PIBF1: variants seen among roughly 807,000 people sequenced by gnomAD.
The protein encoded by PIBF1 is progesterone immunomodulatory binding factor 1, also known as progesterone-induced-blocking factor 1.
A neutral mutation model predicts 112.5 loss-of-function variants in PIBF1; 90 were observed. That is an observed-to-expected ratio of 0.80 (90% CI 0.67 to 0.95). The LOEUF is 0.95. PIBF1 is among the 40% of genes least tolerant of loss of function. The probability of loss-of-function intolerance (pLI) is 0.00; values close to 1 mark genes in which losing one functional copy is unlikely to be tolerated. For missense variants in PIBF1, 915 were observed against 852.3 expected, an observed-to-expected ratio of 1.07 and a Z score of -0.92; for synonymous variants, 301 against 288.6, an observed-to-expected ratio of 1.04 and a Z score of -0.44.
At chr13:72,957,210 C>T (rs1360127902) in intron 14 of PIBF1, among the ~76,000 whole-genome samples, 1 of 152,182 alleles carries the variant, frequency 6.6e-6, no homozygotes, top group African/African-American at 2.4e-5. Context: ...GATACTTGCA[C>T]ACTCATATTC....
At chr13:73,011,453 A>T (rs1252779373) in intron 17 of PIBF1, among the ~76,000 whole-genome samples, 3 of 152,220 alleles carry the variant, frequency 2.0e-5, no homozygotes, top group Non-Finnish European at 2.9e-5. Context: ...AACATTTTGA[A>T]ATATGTTAGA....
chr13:73,007,692 C>G (rs973379132), intron 17 of PIBF1, among the ~76,000 whole-genome samples: 5 of 151,920 alleles, frequency 3.3e-5, no homozygotes, highest in African/African-American at 1.2e-4. Context: ...GCCTGTAATC[C>G]TAGCTACTCG....
intron 10 of PIBF1, among the ~76,000 whole-genome samples, chr13:72,863,487 TA>T (rs1300978593): frequency 7.3e-6 from 1 of 137,926 alleles, no homozygotes; most frequent in Admixed American, 8.0e-5. Context: ...CCATCTCTAC[TA>T]AAAATGAAAA....
At chr13:72,980,701 G>A (rs1219029745) in intron 16 of PIBF1, among the ~76,000 whole-genome samples, 1 of 151,658 alleles carries the variant, frequency 6.6e-6, no homozygotes, top group Non-Finnish European at 1.5e-5. Flanking sequence ...AGGCTGAGGT[G>A]GGAGGATCTG....
chr13:72,784,015 A>G (rs2034453012), intron 2 of PIBF1, among the ~76,000 whole-genome samples: 1 of 152,186 alleles, frequency 6.6e-6, no homozygotes, highest in Non-Finnish European at 1.5e-5. Context: ...CATGGTGGCT[A>G]TAGTTAATGA....
At chr13:72,980,426 C>T (rs956339606) in intron 16 of PIBF1, among the ~76,000 whole-genome samples, 2 of 152,146 alleles carry the variant, frequency 1.3e-5, no homozygotes, top group African/African-American at 4.8e-5. Flanking sequence ...ATAACAGAGC[C>T]AGTTGTACGC....
At chr13:72,792,175 A>C (rs1460071215) in intron 2 of PIBF1, among the ~76,000 whole-genome samples, 1 of 151,980 alleles carries the variant, frequency 6.6e-6, no homozygotes, top group African/African-American at 2.4e-5. Flanking sequence ...ACTTGGCTGT[A>C]ATCCCAGCTA....
intron 11 of PIBF1, chr13:72,901,161 A>T: frequency 2.8e-6 from 1 of 356,458 alleles, no homozygotes; most frequent in South Asian, 2.1e-5. Context: ...TTCACAATCT[A>T]TATATCTGAC....
chr13:73,009,934 A>G (rs570954071), intron 17 of PIBF1, among the ~76,000 whole-genome samples: 1 of 152,290 alleles, frequency 6.6e-6, no homozygotes, highest in Non-Finnish European at 1.5e-5. Context: ...CTTTTTGAGT[A>G]TTAAGATTCC....
chr13:73,013,812 C>G (rs2044300975), intron 17 of PIBF1, among the ~76,000 whole-genome samples: 1 of 150,888 alleles, frequency 6.6e-6, no homozygotes, highest in South Asian at 2.1e-4. Context: ...TATAGAGAAG[C>G]AAAGGTAAGG....
intron 15 of PIBF1, among the ~76,000 whole-genome samples, chr13:72,965,639 A>C (rs1047860096): frequency 6.6e-6 from 1 of 152,218 alleles, no homozygotes; most frequent in Non-Finnish European, 1.5e-5. Flanking sequence ...ACTTATGAGC[A>C]TAACATTCCA....
intron 12 of PIBF1, 98 bp downstream of exon 12, chr13:72,908,779 T>C: frequency 2.7e-6 from 3 of 1,104,822 alleles, no homozygotes; most frequent in East Asian, 2.6e-5. Context: ...TCAGGCACGG[T>C]GGCTCATGCC....
At chr13:72,935,705 G>A (rs1344996641) in intron 14 of PIBF1, among the ~76,000 whole-genome samples, 1 of 152,044 alleles carries the variant, frequency 6.6e-6, no homozygotes, top group Non-Finnish European at 1.5e-5. Context: ...GCCTTGATAT[G>A]GTTAGTTTTT....
At chr13:72,918,383 ATTT>A (rs60024983) in intron 13 of PIBF1, among the ~76,000 whole-genome samples, 136 of 102,942 alleles carry the variant, frequency 1.3e-3, no homozygotes, top group Middle Eastern at 5.3e-3. Context: ...GCAACTACCT[ATTT>A]TTTTTTTTTT....
At chr13:72,857,575 A>G (rs2038481080) in intron 10 of PIBF1, among the ~76,000 whole-genome samples, 1 of 152,240 alleles carries the variant, frequency 6.6e-6, no homozygotes, top group African/African-American at 2.4e-5. Flanking sequence ...ATGGTGGCTC[A>G]TGCCTGTAAT....
chr13:73,015,823 T>G, intron 17 of PIBF1, 46 bp from the exon 18 acceptor site: 1 of 1,226,956 alleles, frequency 8.2e-7, no homozygotes, highest in East Asian at 2.4e-5. Flanking sequence ...TCTCTTGTCC[T>G]CCTTGTAAGC....
rs1048891123 is a variant in PIBF1, at chr13:72,895,582, C to CT, written c.1488+1643dup. Among the ~76,000 whole-genome samples the CT allele has an allele frequency of 9.6e-3, 1,424 of 148,892 alleles. 29 individuals are homozygous for CT. The highest frequency in any genetic ancestry group is 0.031 in the African/African-American group (1,260 of 40,692). Reference sequence around the variant, plus strand: ...CAAAATATAAATTTATAAATTTAAACTTTTTTTTTTACCTTTAGATAGGTC... The same window carrying CT: ...CAAAATATAAATTTATAAATTTAAACTTTTTTTTTTTACCTTTAGATAGGTC... On this transcript the variant is annotated intron_variant, in intron 11 of 17. Coordinates refer to ENST00000326291, the MANE Select transcript of PIBF1 (RefSeq NM_006346.4).
intron 17 of PIBF1, among the ~76,000 whole-genome samples, chr13:73,001,375 T>A (rs1425437479): frequency 6.6e-6 from 1 of 152,166 alleles, no homozygotes; most frequent in Non-Finnish European, 1.5e-5. Flanking sequence ...ATACCTAAAA[T>A]GAAAACATTT....
At chr13:72,952,027 T>C (rs2042311527) in intron 14 of PIBF1, among the ~76,000 whole-genome samples, 1 of 131,568 alleles carries the variant, frequency 7.6e-6, no homozygotes, top group African/African-American at 2.8e-5. Flanking sequence ...TTCTTTCTTT[T>C]CTTTTCTCTT....
Sources: allele counts gnomAD v4.1 joint callset (sites outside exome capture counted in the v4.1 genomes callset), GRCh38; gene constraint gnomAD v4.1.1; transcripts MANE v1.5; gene names NCBI Gene and HGNC (gene_info 2026-07-23, HGNC 2026-07-21).